Variants in OSM observed in about 807,000 individuals in gnomAD.
OSM encodes the protein oncostatin-M.
In OSM, 1 loss-of-function variant was observed where a neutral mutation model predicts 6.3. The observed-to-expected ratio is 0.16, with a 90% CI of 0.06 to 0.76. The LOEUF (loss-of-function observed/expected upper bound fraction) is 0.76. Ranked by LOEUF, OSM falls within the 30% of genes least tolerant of loss-of-function variation. The probability of loss-of-function intolerance (pLI) is 0.77; values close to 1 mark genes in which losing one functional copy is unlikely to be tolerated. For missense variants in OSM, 324 were observed against 336.9 expected (o/e 0.96, Z 0.30); for synonymous variants, 135 against 143.4 (o/e 0.94, Z 0.42).
At position 30,262,933 on chromosome 22, in the gene OSM, A is replaced by G. The variant is rs199654708; in HGVS notation, c.*950T>C. The G allele has an allele frequency of 1.3e-5, 2 of 152,782 alleles. No individual in the cohort carries two copies. Among genetic ancestry groups the G allele is most frequent in the Non-Finnish European group, 2.9e-5 (2 of 68,036 alleles). 9.5% of individuals were successfully genotyped at this position (152,782 alleles called of 1,614,324 possible). On this transcript the variant is annotated 3_prime_UTR_variant, in exon 3 of 3. Transcript: ENST00000215781. ...ATAAAACTGATAAAAATTGATAAAA[A>G]TCGATAAATTAGTCATGTCCCTCCA...
rs1222966277 is a variant in OSM, at chr22:30,264,195, G to A, written c.447C>T (p.Asn149=). The change falls in exon 3 of 3, where the codon AAC becomes AAT. Residue 149 remains asparagine (N), a synonymous_variant. Transcript: ENST00000215781. The stretch of plus-strand genomic sequence containing the variant: ...CCAGCAGCTGGGCCATGCAGTAGAT[G>A]TTGTTCCTGAGCCCGAGGATGTTCG... ...ARPNILGLRN[N]IYCMAQLLDN... The A allele has an allele frequency of 4.3e-6, 7 of 1,613,894 alleles. No homozygotes were observed. The highest frequency in any genetic ancestry group is 5.9e-6 in the Non-Finnish European group (7 of 1,180,042).
intron 1 of OSM, 113 bp from the exon 2 acceptor site, chr22:30,265,257 G>C (rs1184087070): frequency 4.0e-6 from 6 of 1,515,394 alleles, no homozygotes; most frequent in East Asian, 2.3e-5. Context: ...CCCAGACTTT[G>C]TGTAGTGGAG....
At position 30,266,815 on chromosome 22, in the gene OSM, TCCGGC is replaced by T; in HGVS notation, c.-21_-17del. The T allele has an allele frequency of 1.2e-6, 2 of 1,609,200 alleles. No individual in the cohort carries two copies. Among genetic ancestry groups the T allele is most frequent in the South Asian group, 2.2e-5 (2 of 90,792 alleles). On this transcript the variant is annotated 5_prime_UTR_variant, in exon 1 of 3. Transcript: ENST00000215781. The surrounding 1 kb of genome is among the most constrained non-coding windows in gnomAD (Gnocchi z 5.0). ...GTACCCCCATGCTGGGTGCCCGTGC[TCCGGC>T]CCGCGCCCGCTGGGGGTGACACCTC...
chr22:30,266,198 G>GT lies in OSM; in HGVS notation c.34+567dup, dbSNP rs1929388414. ...CTGTGCATCTGGGTCTGTGTGCGGCGTGAGGGAGACCTGTTCCGTTCACCA... is the reference window on the plus strand; with the variant it reads ...CTGTGCATCTGGGTCTGTGTGCGGCGTTGAGGGAGACCTGTTCCGTTCACCA... On this transcript the variant is annotated intron_variant, in intron 1 of 2. Transcript: ENST00000215781. The surrounding 1 kb of genome is among the most constrained non-coding windows in gnomAD (Gnocchi z 5.0). Among the ~76,000 whole-genome samples the GT allele has an allele frequency of 6.6e-6, 1 of 152,218 alleles. No homozygotes were observed. Among genetic ancestry groups the GT allele is most frequent in the South Asian group, 2.1e-4 (1 of 4,834 alleles).
chr22:30,263,342 C>G lies in OSM; in HGVS notation c.*541G>C. 6.5e-6 allele frequency: 1 copy of G among 152,852 alleles called. No individual in the cohort carries two copies. The highest frequency in any genetic ancestry group is 1.5e-5 in the Non-Finnish European group (1 of 68,356). The allele number at this position is 152,852 out of a possible 1,614,324, so 9.5% of individuals were successfully genotyped here. ...TGGGACCTGAGCTCCATTCCCTGGA[C>G]CCCCGGATCAGGGCTCCTGGGACAC... On this transcript the variant is annotated 3_prime_UTR_variant, in exon 3 of 3. Transcript: ENST00000215781.
In OSM at chr22:30,265,106, T is replaced by C. The variant is rs1447221582; in HGVS notation, c.73A>G (p.Met25Val). 1.2e-6 allele frequency: 2 copies of C among 1,614,022 alleles called. No individual in the cohort carries two copies. Among genetic ancestry groups the C allele is most frequent in the East Asian group, 2.2e-5 (1 of 44,892 alleles). The change falls in exon 2 of 3, where the codon ATG becomes GTG. Residue 25 changes from methionine to valine, a missense_variant. Transcript: ENST00000215781. ...TTCGAGCAGCTGCCTATAGCCGCCA[T>C]GCTCGCCATGCTTGGAAACAGGAGT... The part of the protein sequence containing the change: ...LALLFPSMAS[M>V]AAIGSCSKEY...
At chr22:30,265,970 C>T (rs940874343) in intron 1 of OSM, among the ~76,000 whole-genome samples, 4 of 152,254 alleles carry the variant, frequency 2.6e-5, no homozygotes, top group Admixed American at 6.5e-5. Flanking sequence ...CGCAATGGCC[C>T]GGAAGGCAGT....
rs985921664 is a variant in OSM, at chr22:30,266,215, C to T, written c.34+551G>A. ...TGTGCGGCGTGAGGGAGACCTGTTC[C>T]GTTCACCATGGGGACTCTGGTCTGC... On this transcript the variant is annotated intron_variant, in intron 1 of 2. Coordinates refer to ENST00000215781, the MANE Select transcript of OSM (RefSeq NM_020530.6). This position sits in a 1 kb window ranked among gnomAD's most constrained non-coding sequence, Gnocchi z 5.0. Among the ~76,000 whole-genome samples the T allele has an allele frequency of 6.6e-6, 1 of 152,188 alleles. No individual in the cohort carries two copies. The highest frequency in any genetic ancestry group is 1.5e-5 in the Non-Finnish European group (1 of 68,012).
At chr22:30,264,767 T>C (rs912422865) in intron 2 of OSM, among the ~76,000 whole-genome samples, 1 of 152,094 alleles carries the variant, frequency 6.6e-6, no homozygotes, top group Non-Finnish European at 1.5e-5. Context: ...GGAAACACAC[T>C]GAGTAAGCAG....
At position 30,264,152 on chromosome 22, in the gene OSM, C is replaced by T. The variant is rs1470573895; in HGVS notation, c.490G>A (p.Glu164Lys). 3.7e-6 allele frequency: 6 copies of T among 1,613,672 alleles called. No homozygotes were observed. Among genetic ancestry groups the T allele is most frequent in the Non-Finnish European group, 5.1e-6 (6 of 1,179,960 alleles). ...GCCCCCCGGCCAGCCTTCGTGGGCT[C>T]AGCCGTGTCTGAGTTGTCCAGCAGC... Reference protein sequence around the residue: ...AQLLDNSDTAEPTKAGRGASQ... With the variant: ...AQLLDNSDTAKPTKAGRGASQ... The change falls in exon 3 of 3, where the codon GAG becomes AAG. Residue 164 changes from glutamate to lysine, a missense_variant. By Grantham distance (56) the Glu-to-Lys change is moderately conservative. Transcript: ENST00000215781.
At position 30,263,841 on chromosome 22, in the gene OSM, A is replaced by G. The variant is rs1436637978; in HGVS notation, c.*42T>C. 3 of 1,438,226 alleles carry G rather than the reference A, an allele frequency of 2.1e-6. No homozygotes were observed. Among genetic ancestry groups the G allele is most frequent in the African/African-American group, 1.4e-5 (1 of 70,602 alleles). 89.1% of individuals were successfully genotyped at this position (1,438,226 alleles called of 1,614,324 possible). A position where few individuals can be genotyped will look rare whatever the true frequency, so the allele number is the denominator to read the frequency against. On this transcript the variant is annotated 3_prime_UTR_variant, in exon 3 of 3. Transcript: ENST00000215781. ...CTGCGATGGTTCCTCTCATCCACAG[A>G]GCACCTGCCGCATCCTTCACCGGCA...
chr22:30,265,275 G>T, intron 1 of OSM, 131 bp from the exon 2 acceptor site: 2 of 1,494,496 alleles, frequency 1.3e-6, no homozygotes, highest in South Asian at 2.6e-5. Flanking sequence ...GAGGGCGGGG[G>T]CTGGGCACTG....
At chr22:30,264,935 C>T in intron 2 of OSM, 67 bp downstream of exon 2, 1 of 1,574,446 alleles carries the variant, frequency 6.4e-7, no homozygotes, top group Non-Finnish European at 8.7e-7. Flanking sequence ...GTCCTCCCTG[C>T]TTCTCACTCC....
At position 30,265,144 on chromosome 22, in the gene OSM, C is replaced by T. The variant is rs867934535; in HGVS notation, c.35G>A (p.Ser12Asn). ...GVLLTQRTLL[S>N]LVLALLFPSM... ...TGGAAACAGGAGTGCAAGGACCAGA[C>T]CTAAGGCAGAGAAGAGGGGTGTCAC... Residue 12 changes from serine to asparagine, a missense_variant and splice_region_variant, in exon 2 of 3, where the codon AGT (serine) becomes AAT (asparagine). By Grantham distance (46) the Ser-to-Asn change is conservative. Transcript: ENST00000215781. The T allele has an allele frequency of 6.2e-7, 1 of 1,610,236 alleles. No individual in the cohort carries two copies. Among genetic ancestry groups the T allele is most frequent in the Non-Finnish European group, 8.5e-7 (1 of 1,176,844 alleles).
chr22:30,263,863 G>T lies in OSM; in HGVS notation c.*20C>A, dbSNP rs140626382. ...CAGAGCACCTGCCGCATCCTTCACCGGCAAGGGGTGCTCTCGAGGCTACCG... is the reference window on the plus strand; with the variant it reads ...CAGAGCACCTGCCGCATCCTTCACCTGCAAGGGGTGCTCTCGAGGCTACCG... On this transcript the variant is annotated 3_prime_UTR_variant, in exon 3 of 3. Transcript: ENST00000215781. The T allele has an allele frequency of 2.0e-6, 3 of 1,483,152 alleles. No homozygotes were observed. Among genetic ancestry groups the T allele is most frequent in the Non-Finnish European group, 8.9e-7 (1 of 1,118,156 alleles). The allele number at this position is 1,483,152 out of a possible 1,614,324, so 91.9% of individuals were successfully genotyped here. A position where few individuals can be genotyped will look rare whatever the true frequency, so the allele number is the denominator to read the frequency against.
At position 30,265,136 on chromosome 22, in the gene OSM, G is replaced by T; in HGVS notation, c.43C>A (p.Leu15Ile). The T allele has an allele frequency of 6.2e-7, 1 of 1,613,476 alleles. No individual in the cohort carries two copies. The highest frequency in any genetic ancestry group is 1.1e-5 in the South Asian group (1 of 91,070). The change falls in exon 2 of 3, where the codon CTT becomes ATT. Residue 15 changes from leucine (L) to isoleucine (I), a missense_variant. By Grantham distance (5) the Leu-to-Ile change is conservative. Coordinates refer to ENST00000215781, the MANE Select transcript of OSM (RefSeq NM_020530.6). The stretch of plus-strand genomic sequence containing the variant: ...GCCATGCTTGGAAACAGGAGTGCAA[G>T]GACCAGACCTAAGGCAGAGAAGAGG... ...LTQRTLLSLV[L>I]ALLFPSMASM... is the part of the protein sequence containing the mutation.
intron 2 of OSM, 141 bp from the exon 3 acceptor site, chr22:30,264,605 G>A: frequency 1.3e-6 from 1 of 745,192 alleles, no homozygotes; most frequent in South Asian, 1.9e-5. Context: ...GCCCGAGAGG[G>A]AAGAGGACCC....
rs140815202 is a variant in OSM at position 30,264,006 on chromosome 22, C to G, written c.636G>C (p.Trp212Cys). The change falls in exon 3 of 3, where the codon TGG becomes TGC. Residue 212 changes from tryptophan to cysteine, a missense_variant. Coordinates refer to ENST00000215781, the MANE Select transcript of OSM (RefSeq NM_020530.6). ...MHSVGRVFSK[W>C]GESPNRSRRH... ...TCCGGCTCCGGTTCGGGCTCTCCCCCCACTTGCTGAAGACCCGCCCCACTG... is the reference window on the plus strand; with the variant it reads ...TCCGGCTCCGGTTCGGGCTCTCCCCGCACTTGCTGAAGACCCGCCCCACTG... 1.7e-5 allele frequency: 26 copies of G among 1,559,306 alleles called. No individual in the cohort carries two copies. In the Middle Eastern group the frequency reaches 6.9e-4, roughly 42 times the overall value.
At position 30,265,024 on chromosome 22, in the gene OSM, G is replaced by A; in HGVS notation, c.155C>T (p.Thr52Ile). ...TACATAGGGGTCCAGGAGTCTGCTGGTGTCCTGCATGAGATCTGTCTGCTT... is the reference window on the plus strand; with the variant it reads ...TACATAGGGGTCCAGGAGTCTGCTGATGTCCTGCATGAGATCTGTCTGCTT... ...LQKQTDLMQDTSRLLDPYIRI... is the reference protein window; with the variant it reads ...LQKQTDLMQDISRLLDPYIRI... Residue 52 changes from threonine (T) to isoleucine (I), a missense_variant, in exon 2 of 3, where the codon ACC (threonine) becomes ATC (isoleucine). By Grantham distance (89) the Thr-to-Ile change is moderately conservative. Transcript: ENST00000215781. The A allele has an allele frequency of 6.2e-7, 1 of 1,614,154 alleles. No individual in the cohort carries two copies. Among genetic ancestry groups the A allele is most frequent in the Non-Finnish European group, 8.5e-7 (1 of 1,179,996 alleles).
Sources: allele counts gnomAD v4.1 joint callset (sites outside exome capture counted in the v4.1 genomes callset), GRCh38; gene constraint gnomAD v4.1.1; non-coding constraint Gnocchi (gnomAD v3.1); transcripts MANE v1.5; gene names NCBI Gene and HGNC (gene_info 2026-07-23, HGNC 2026-07-21).